COL21A1: variants seen among roughly 807,000 people sequenced by gnomAD.
The protein encoded by COL21A1 is collagen type XXI alpha 1 chain, also known as collagen alpha-1(XXI) chain.
COL21A1 carries 149 observed loss-of-function variants against 137.9 expected under a neutral mutation model. The observed-to-expected ratio is 1.08, with a 90% confidence interval of 0.95 to 1.24. The LOEUF (loss-of-function observed/expected upper bound fraction) is 1.24, where lower values mean the gene tolerates loss of function less well. Ranked by LOEUF, COL21A1 falls within the 50% of genes most tolerant of loss-of-function variation. The pLI is 0.00. For missense variants in COL21A1, 1,167 were observed against 1,158.4 expected (o/e 1.01, Z -0.11); for synonymous variants, 456 against 391.5 (o/e 1.16, Z -1.95).
At chr6:56,326,187 C>T (rs1469484905) in intron 1 of COL21A1, among the ~76,000 whole-genome samples, 1 of 147,530 alleles carries the variant, frequency 6.8e-6, no homozygotes, top group East Asian at 2.0e-4. Flanking sequence ...TATCAAAGTT[C>T]TTTATACATT....
chr6:56,333,729 G>A (rs1381466238), intron 1 of COL21A1, among the ~76,000 whole-genome samples: 5 of 151,984 alleles, frequency 3.3e-5, no homozygotes, highest in East Asian at 1.9e-4. Context: ...TTTACTTTCC[G>A]AACAGTAGCA....
chr6:56,102,579 A>C (rs1770553790), intron 16 of COL21A1, among the ~76,000 whole-genome samples: 1 of 152,188 alleles, frequency 6.6e-6, no homozygotes, highest in Non-Finnish European at 1.5e-5. Context: ...CTAAGAATGC[A>C]ATGCACTGAA....
intron 1 of COL21A1, among the ~76,000 whole-genome samples, chr6:56,294,095 C>T (rs953776432): frequency 6.6e-6 from 1 of 152,112 alleles, no homozygotes; most frequent in African/African-American, 2.4e-5. Context: ...TGTTATGTTA[C>T]TCTACCAGTC....
intron 1 of COL21A1, among the ~76,000 whole-genome samples, chr6:56,295,750 A>G (rs1176832410): frequency 7.0e-6 from 1 of 143,212 alleles, no homozygotes; most frequent in Non-Finnish European, 1.6e-5. Context: ...CATTCCTGGT[A>G]TATAGGGAAA....
intron 16 of COL21A1, among the ~76,000 whole-genome samples, chr6:56,115,508 C>T (rs1771839314): frequency 6.6e-6 from 1 of 152,096 alleles, no homozygotes; most frequent in African/African-American, 2.4e-5. Context: ...GATCACAACA[C>T]CCAAGTCCTT....
intron 17 of COL21A1, among the ~76,000 whole-genome samples, chr6:56,088,598 T>C (rs374682648): frequency 6.6e-6 from 1 of 152,232 alleles, no homozygotes; most frequent in East Asian, 1.9e-4. Context: ...TGGTGGGCAA[T>C]TGCAGCAGCA....
intron 10 of COL21A1, among the ~76,000 whole-genome samples, chr6:56,149,519 C>A (rs1284071339): frequency 6.6e-6 from 1 of 152,168 alleles, no homozygotes; most frequent in African/African-American, 2.4e-5. Flanking sequence ...GAAGAGAACT[C>A]ATCCTAAATG....
chr6:56,227,039 A>G (rs573227651), intron 1 of COL21A1, among the ~76,000 whole-genome samples: 12 of 152,050 alleles, frequency 7.9e-5, no homozygotes, highest in African/African-American at 2.9e-4. Flanking sequence ...GAACTAAGAG[A>G]GCAACTTTCT....
chr6:56,086,930 T>C (rs1433917604), intron 17 of COL21A1, among the ~76,000 whole-genome samples: 3 of 152,202 alleles, frequency 2.0e-5, no homozygotes, highest in Non-Finnish European at 4.4e-5. Flanking sequence ...CTCTGTCTTC[T>C]TCCCATAGTC....
intron 1 of COL21A1, among the ~76,000 whole-genome samples, chr6:56,327,824 A>T (rs1428502927): frequency 2.0e-5 from 3 of 152,048 alleles, no homozygotes; most frequent in Admixed American, 6.6e-5. Flanking sequence ...CCTACCTGCT[A>T]GGGTTGCTAT....
intron 1 of COL21A1, among the ~76,000 whole-genome samples, chr6:56,339,011 CA>C (rs1464128531): frequency 6.6e-6 from 1 of 152,156 alleles, no homozygotes; most frequent in Non-Finnish European, 1.5e-5. Flanking sequence ...AGCCATTTCC[CA>C]AGCCAATAGG....
intron 1 of COL21A1, among the ~76,000 whole-genome samples, chr6:56,325,940 TTATATATTATATAATATATATA>T (rs1765070401): frequency 1.6e-4 from 2 of 12,602 alleles, no homozygotes; most frequent in South Asian, 1.4e-3. Context: ...ATAATATATA[TTATATATTATATAATATATATA>T]ATATATATTA....
At chr6:56,303,596 T>C (rs1310521637) in intron 1 of COL21A1, among the ~76,000 whole-genome samples, 13 of 152,362 alleles carry the variant, frequency 8.5e-5, no homozygotes, top group Non-Finnish European at 1.8e-4. Flanking sequence ...CCTGAGACTT[T>C]GCTGAAGTTG....
intron 1 of COL21A1, among the ~76,000 whole-genome samples, chr6:56,207,631 T>C (rs1779879615): frequency 6.6e-6 from 1 of 152,116 alleles, no homozygotes; most frequent in Non-Finnish European, 1.5e-5. Flanking sequence ...TACCATTCCT[T>C]CTGAAACTAT....
chr6:56,167,341 A>T (rs1278075418), intron 6 of COL21A1, among the ~76,000 whole-genome samples: 1 of 152,152 alleles, frequency 6.6e-6, no homozygotes, highest in African/African-American at 2.4e-5. Context: ...AACATTCCTG[A>T]TGGTATAGGG....
At position 56,121,531 on chromosome 6, in the gene COL21A1, C is replaced by CAT. The variant is rs1237007608; in HGVS notation, c.1758+2529_1758+2530dup. Among the ~76,000 whole-genome samples the CAT allele has an allele frequency of 9.6e-5, 11 of 114,592 alleles. No individual in the cohort carries two copies. The East Asian group carries it at 1.3e-3, about 14-fold the overall frequency. 75.2% of individuals were successfully genotyped at this position (114,592 alleles called of 152,430 possible). On this transcript the variant is annotated intron_variant, in intron 16 of 29. Transcript: ENST00000244728. ...ATATGTGTATATATATATACATATA[C>CAT]ATATATATGTATATTCATATGTATA...
chr6:56,236,407 G>A (rs1781900449), intron 1 of COL21A1, among the ~76,000 whole-genome samples: 1 of 152,010 alleles, frequency 6.6e-6, no homozygotes, highest in East Asian at 1.9e-4. Flanking sequence ...TGGAAACTAT[G>A]CTCAATATGT....
intron 16 of COL21A1, among the ~76,000 whole-genome samples, chr6:56,115,619 G>A (rs2152196863): frequency 6.6e-6 from 1 of 152,210 alleles, no homozygotes; most frequent in Admixed American, 6.5e-5. Context: ...AGACACTGAA[G>A]AACATCTACT....
At chr6:56,294,440 G>A (rs1057387744) in intron 1 of COL21A1, among the ~76,000 whole-genome samples, 23 of 151,976 alleles carry the variant, frequency 1.5e-4, no homozygotes, top group Non-Finnish European at 1.5e-5. Flanking sequence ...TTAGGCTTTA[G>A]GTTTATAGAA....
Sources: allele counts gnomAD v4.1 joint callset (sites outside exome capture counted in the v4.1 genomes callset), GRCh38; gene constraint gnomAD v4.1.1; transcripts MANE v1.5; gene names NCBI Gene and HGNC (gene_info 2026-07-23, HGNC 2026-07-21).